GUCY1A2: variants seen among roughly 807,000 people sequenced by gnomAD.
The protein encoded by GUCY1A2 is guanylate cyclase 1 soluble subunit alpha 2.
A neutral mutation model predicts 63.5 loss-of-function variants in GUCY1A2; 27 were observed. The ratio of observed to expected loss-of-function variants is 0.43; its 90% confidence interval spans 0.31 to 0.59. The LOEUF (loss-of-function observed/expected upper bound fraction) is 0.59, where lower values mean the gene tolerates loss of function less well. GUCY1A2 is among the 20% of genes least tolerant of loss of function. The pLI, the probability that GUCY1A2 is intolerant of heterozygous loss-of-function variation, is 0.11. For missense variants in GUCY1A2, 768 were observed against 913.3 expected, an observed-to-expected ratio of 0.84 and a Z score of 2.05; for synonymous variants, 364 against 343.5, an observed-to-expected ratio of 1.06 and a Z score of -0.66.
At chr11:106,729,367 C>T (rs886373987) in intron 6 of GUCY1A2, among the ~76,000 whole-genome samples, 1 of 152,070 alleles carries the variant, frequency 6.6e-6, no homozygotes, top group African/African-American at 2.4e-5. Flanking sequence ...GTGTAAAAAG[C>T]ATTGCCAAAT....
chr11:106,776,159 G>A (rs771170227), intron 6 of GUCY1A2, among the ~76,000 whole-genome samples: 5 of 152,046 alleles, frequency 3.3e-5, no homozygotes, highest in Non-Finnish European at 7.4e-5. Context: ...TGGATTTCGT[G>A]ACCTGGTCAC....
intron 1 of GUCY1A2, among the ~76,000 whole-genome samples, chr11:106,993,496 C>G (rs1861496619): frequency 6.6e-6 from 1 of 151,908 alleles, no homozygotes; most frequent in Non-Finnish European, 1.5e-5. Context: ...ACTTTCCCAG[C>G]CTCTGACTAA....
At chr11:106,731,499 C>A (rs1863504777) in intron 6 of GUCY1A2, among the ~76,000 whole-genome samples, 1 of 152,064 alleles carries the variant, frequency 6.6e-6, no homozygotes, top group African/African-American at 2.4e-5. Context: ...CCTCTCTCAA[C>A]ACTCCTATTC....
chr11:106,948,508 A>G (rs1384046188), intron 3 of GUCY1A2, among the ~76,000 whole-genome samples: 1 of 152,148 alleles, frequency 6.6e-6, no homozygotes, highest in African/African-American at 2.4e-5. Flanking sequence ...TAAGATATAA[A>G]GAAACTGTTC....
intron 6 of GUCY1A2, chr11:106,746,420 C>T: frequency 1.9e-6 from 1 of 518,872 alleles, no homozygotes; most frequent in African/African-American, 1.9e-5. Context: ...ACTACCAGTA[C>T]TACTACAAAC....
intron 4 of GUCY1A2, among the ~76,000 whole-genome samples, chr11:106,877,605 C>T (rs1859767490): frequency 6.6e-6 from 1 of 152,070 alleles, no homozygotes; most frequent in African/African-American, 2.4e-5. Context: ...CCCTTCCTTA[C>T]ACCACATACA....
intron 1 of GUCY1A2, among the ~76,000 whole-genome samples, chr11:107,012,663 G>C (rs189470465): frequency 6.6e-6 from 1 of 152,162 alleles, no homozygotes; most frequent in African/African-American, 2.4e-5. Context: ...TAAATGATTG[G>C]GGATAAGGTA....
intron 3 of GUCY1A2, among the ~76,000 whole-genome samples, chr11:106,956,887 AG>A (rs1253561039): frequency 6.6e-6 from 1 of 152,194 alleles, no homozygotes; most frequent in Non-Finnish European, 1.5e-5. Flanking sequence ...AAGAGGAGAC[AG>A]CAAGTCTGCT....
rs576096683 is a variant in GUCY1A2 at position 106,969,291 on chromosome 11, T to C, written c.487+9328A>G. The stretch of plus-strand genomic sequence containing the variant: ...AGTAAGAACAACAACTCATCTAGCA[T>C]AGAACCCAGGATGTTTGAATTTAAC... On this transcript the variant is annotated intron_variant, in intron 3 of 7. Transcript: ENST00000526355. Among the ~76,000 whole-genome samples the C allele has an allele frequency of 3.3e-5, 5 of 152,294 alleles. No individual in the cohort carries two copies. The East Asian group carries it at 9.6e-4, about 29-fold the overall frequency.
At chr11:106,687,791 G>T in intron 7 of GUCY1A2, 35 bp from the exon 8 acceptor site, 2 of 1,414,380 alleles carry the variant, frequency 1.4e-6, no homozygotes, top group Non-Finnish European at 2.0e-6. Flanking sequence ...GAATCAAGTA[G>T]GCCAGGGAAA....
intron 1 of GUCY1A2, among the ~76,000 whole-genome samples, chr11:106,995,317 T>C (rs1365279050): frequency 6.7e-6 from 1 of 149,058 alleles, no homozygotes; most frequent in Non-Finnish European, 1.5e-5. Flanking sequence ...TTTATGAATG[T>C]GAAAAAATGA....
At chr11:106,745,787 T>G (rs780399425) in intron 6 of GUCY1A2, among the ~76,000 whole-genome samples, 2 of 152,236 alleles carry the variant, frequency 1.3e-5, no homozygotes, top group Non-Finnish European at 2.9e-5. Context: ...TTTTATCTTT[T>G]GCCATGAATT....
intron 7 of GUCY1A2, among the ~76,000 whole-genome samples, chr11:106,688,320 G>A (rs1327423971): frequency 1.3e-5 from 2 of 152,058 alleles, no homozygotes; most frequent in South Asian, 2.1e-4. Flanking sequence ...ATCCAAACTC[G>A]ATAGCATTAT....
intron 4 of GUCY1A2, among the ~76,000 whole-genome samples, chr11:106,853,811 C>T (rs888209009): frequency 2.6e-5 from 4 of 152,042 alleles, no homozygotes; most frequent in African/African-American, 9.7e-5. Context: ...AGATTTTTTT[C>T]CCTGTAAGTA....
chr11:106,798,332 G>GTT (rs1864806000), intron 5 of GUCY1A2, among the ~76,000 whole-genome samples: 1 of 152,030 alleles, frequency 6.6e-6, no homozygotes, highest in Non-Finnish European at 1.5e-5. Flanking sequence ...TTCTACCAGA[G>GTT]GTACAAGGAG....
intron 5 of GUCY1A2, among the ~76,000 whole-genome samples, chr11:106,794,274 T>C (rs1419967055): frequency 1.3e-5 from 2 of 152,096 alleles, no homozygotes; most frequent in East Asian, 3.9e-4. Context: ...CTCACTTATG[T>C]GGAATCCAAA....
intron 1 of GUCY1A2, among the ~76,000 whole-genome samples, chr11:106,999,648 T>C (rs1008908402): frequency 2.0e-5 from 3 of 152,222 alleles, no homozygotes; most frequent in African/African-American, 7.2e-5. Context: ...CGTTGACTCA[T>C]ACTTGAAAGT....
At chr11:106,803,088 A>T (rs866791374) in intron 5 of GUCY1A2, among the ~76,000 whole-genome samples, 2 of 152,150 alleles carry the variant, frequency 1.3e-5, no homozygotes, top group African/African-American at 4.8e-5. Flanking sequence ...TAGCCTTCTA[A>T]CTGTCTTCAG....
Position 106,687,585 on chromosome 11 carries a change from G to A in GUCY1A2, c.2163C>T (p.Asn721=). 2 of 1,613,982 alleles carry A rather than the reference G, an allele frequency of 1.2e-6. No individual in the cohort carries two copies. Among genetic ancestry groups the A allele is most frequent in the Non-Finnish European group, 1.7e-6 (2 of 1,179,896 alleles). ...TCTCCCGGAGGAACATGGTGCCGAT[G>A]TTGTAGGAAACCTTTTTTATTCTCG... ...SSSRIKKVSY[N]IGTMFLRETS... is the part of the protein sequence containing the mutation. Residue 721 remains asparagine (N), a synonymous_variant, in exon 8 of 8, where the codon AAC becomes AAT. Coordinates refer to ENST00000526355, the MANE Select transcript of GUCY1A2 (RefSeq NM_000855.3).
Sources: allele counts gnomAD v4.1 joint callset (sites outside exome capture counted in the v4.1 genomes callset), GRCh38; gene constraint gnomAD v4.1.1; transcripts MANE v1.5; gene names NCBI Gene and HGNC (gene_info 2026-07-23, HGNC 2026-07-21).